FER: variants seen among roughly 807,000 people sequenced by gnomAD.
FER encodes the protein tyrosine-protein kinase Fer.
A neutral mutation model predicts 111.0 loss-of-function variants in FER; 63 were observed. That is an observed-to-expected ratio of 0.57 (90% CI 0.46 to 0.70). The LOEUF is 0.70. FER is among the 30% of genes least tolerant of loss of function. The probability of loss-of-function intolerance (pLI) is 0.00; values close to 1 mark genes in which losing one functional copy is unlikely to be tolerated. For missense variants in FER, 914 were observed against 954.0 expected, an observed-to-expected ratio of 0.96 and a Z score of 0.55; for synonymous variants, 327 against 313.9, an observed-to-expected ratio of 1.04 and a Z score of -0.44.
chr5:109,177,883 C>T (rs1470695952), intron 17 of FER, among the ~76,000 whole-genome samples: 3 of 152,180 alleles, frequency 2.0e-5, no homozygotes, highest in Non-Finnish European at 4.4e-5. Context: ...AGATTTCTCA[C>T]CTCTGAATTC....
At chr5:108,865,622 G>T (rs547916712) in intron 5 of FER, among the ~76,000 whole-genome samples, 2 of 152,100 alleles carry the variant, frequency 1.3e-5, no homozygotes, top group Non-Finnish European at 2.9e-5. Flanking sequence ...CACAGCAAAA[G>T]AAACCTACCA....
At chr5:108,885,821 C>G (rs959017229) in intron 9 of FER, among the ~76,000 whole-genome samples, 1 of 151,864 alleles carries the variant, frequency 6.6e-6, no homozygotes, top group African/African-American at 2.4e-5. Flanking sequence ...AAGGCGAGAA[C>G]AGGAAAATTT....
intron 16 of FER, among the ~76,000 whole-genome samples, chr5:109,074,266 A>G (rs767623275): frequency 1.3e-5 from 2 of 152,342 alleles, no homozygotes; most frequent in Non-Finnish European, 2.9e-5. Flanking sequence ...CCAAGATTCC[A>G]CACTTTTCAG....
chr5:109,152,704 T>G (rs1754980104), intron 17 of FER, among the ~76,000 whole-genome samples: 1 of 152,000 alleles, frequency 6.6e-6, no homozygotes, highest in South Asian at 2.1e-4. Flanking sequence ...ATGCCTTTAT[T>G]ATACTTATGG....
chr5:109,128,543 T>A (rs575047654), intron 17 of FER, among the ~76,000 whole-genome samples: 36 of 152,278 alleles, frequency 2.4e-4, no homozygotes, highest in African/African-American at 8.4e-4. Flanking sequence ...CAGCTTGTCA[T>A]CATTCTGGTG....
chr5:109,083,150 A>G (rs1179164096), intron 16 of FER, among the ~76,000 whole-genome samples: 1 of 152,074 alleles, frequency 6.6e-6, no homozygotes, highest in Non-Finnish European at 1.5e-5. Flanking sequence ...CTGATGTTAT[A>G]TAGGAAATAA....
chr5:109,107,304 A>G (rs1749054700), intron 17 of FER, among the ~76,000 whole-genome samples: 1 of 152,194 alleles, frequency 6.6e-6, no homozygotes, highest in Non-Finnish European at 1.5e-5. Flanking sequence ...ATTACAAGGA[A>G]CAGAAACTAA....
At chr5:109,007,367 G>A (rs879753738) in intron 13 of FER, among the ~76,000 whole-genome samples, 3 of 152,110 alleles carry the variant, frequency 2.0e-5, no homozygotes, top group African/African-American at 7.2e-5. Flanking sequence ...TTAGCATATA[G>A]TTCTGATAAG....
At chr5:108,798,940 A>G (rs1262714764) in intron 3 of FER, among the ~76,000 whole-genome samples, 1 of 152,042 alleles carries the variant, frequency 6.6e-6, no homozygotes, top group Admixed American at 6.5e-5. Context: ...CATTGTTACA[A>G]ATTTTGGTTT....
chr5:109,088,549 G>A (rs1424140429), intron 16 of FER, among the ~76,000 whole-genome samples: 1 of 152,002 alleles, frequency 6.6e-6, no homozygotes, highest in African/African-American at 2.4e-5. Context: ...GTTGAGGTGA[G>A]AAAAGGAAGA....
intron 2 of FER, among the ~76,000 whole-genome samples, chr5:108,792,448 C>T (rs1025932673): frequency 2.0e-5 from 3 of 152,206 alleles, no homozygotes; most frequent in Non-Finnish European, 4.4e-5. Flanking sequence ...AAGTGATTCA[C>T]CTGCCTCAGC....
intron 2 of FER, among the ~76,000 whole-genome samples, chr5:108,787,495 G>T (rs1436571974): frequency 6.6e-6 from 1 of 152,164 alleles, no homozygotes; most frequent in Non-Finnish European, 1.5e-5. Flanking sequence ...TGGGGGCTGG[G>T]CTGCCAGTTC....
In FER at chr5:109,052,352, G is replaced by A. The variant is rs1159928366; in HGVS notation, c.1924+5154G>A. On this transcript the variant is annotated intron_variant, in intron 16 of 19. Transcript: ENST00000281092. ...GCTGACTCAACCACTGTCTTCAGCA[G>A]CAGGATTTGGAAAATGAAAAGTACT... 13 of 1,586,728 alleles carry A rather than the reference G, an allele frequency of 8.2e-6. No homozygotes were observed. The Admixed American group carries it at 1.8e-4, about 22-fold the overall frequency.
chr5:108,896,101 A>G (rs1023536118), intron 9 of FER, among the ~76,000 whole-genome samples: 7 of 150,792 alleles, frequency 4.6e-5, no homozygotes, highest in African/African-American at 7.3e-5. Flanking sequence ...ATGAAAATAT[A>G]TTTTTCCACT....
intron 5 of FER, among the ~76,000 whole-genome samples, chr5:108,860,306 C>G (rs997204022): frequency 1.3e-5 from 2 of 151,978 alleles, no homozygotes; most frequent in African/African-American, 4.8e-5. Context: ...TTTTGTCTTT[C>G]CAAATTCTGT....
chr5:108,941,577 A>G (rs1756277073), intron 10 of FER, among the ~76,000 whole-genome samples: 1 of 152,178 alleles, frequency 6.6e-6, no homozygotes, highest in African/African-American at 2.4e-5. Flanking sequence ...TTACTGTTGT[A>G]TCGTTATGTC....
intron 17 of FER, among the ~76,000 whole-genome samples, chr5:109,104,930 A>C (rs1748701905): frequency 6.6e-6 from 1 of 151,864 alleles, no homozygotes; most frequent in African/African-American, 2.4e-5. Context: ...TTTTTAGTAG[A>C]GACAGGGTTT....
At chr5:108,766,776 A>G (rs1352500283) in intron 1 of FER, among the ~76,000 whole-genome samples, 1 of 152,236 alleles carries the variant, frequency 6.6e-6, no homozygotes, top group African/African-American at 2.4e-5. Context: ...AGGCAAACAA[A>G]AAAGAAGAAC....
In FER at chr5:109,191,985, TAATGA is replaced by T. The variant is rs1759416473; in HGVS notation, c.*4414_*4418del. On this transcript the variant is annotated 3_prime_UTR_variant, in exon 20 of 20. Transcript: ENST00000281092. Reference sequence around the variant, plus strand: ...ACTATACCTTAGCCATAATTCAATTTAATGAAATACTACCCCATTAAAAGCCATCC... The same window carrying T: ...ACTATACCTTAGCCATAATTCAATTTAATACTACCCCATTAAAAGCCATCC... 6.6e-6 allele frequency: 1 copy of T among 152,174 alleles called. No homozygotes were observed. Among genetic ancestry groups the T allele is most frequent in the African/African-American group, 2.4e-5 (1 of 41,442 alleles). The allele number at this position is 152,174 out of a possible 1,614,324, so 9.4% of individuals were successfully genotyped here.
Sources: gnomAD v4.1 joint callset for allele counts (sites outside exome capture counted in the v4.1 genomes callset) on GRCh38, gnomAD v4.1.1 for gene constraint, MANE v1.5 for transcripts, NCBI Gene and HGNC (gene_info 2026-07-23, HGNC 2026-07-21) for gene names.